Variants in MYLIP observed in about 807,000 individuals in gnomAD.
The protein encoded by MYLIP is myosin regulatory light chain interacting protein.
In MYLIP, 26 loss-of-function variants were observed where a neutral mutation model predicts 45.8. The observed-to-expected ratio is 0.57, with a 90% CI of 0.42 to 0.79. The LOEUF (loss-of-function observed/expected upper bound fraction) is 0.79, where lower values mean the gene tolerates loss of function less well. MYLIP is among the 30% of genes least tolerant of loss of function. The pLI is 0.00. For missense variants in MYLIP, 494 were observed against 555.6 expected, an observed-to-expected ratio of 0.89 and a Z score of 1.11; for synonymous variants, 213 against 218.1, an observed-to-expected ratio of 0.98 and a Z score of 0.21.
At chr6:16,157,984 C>T in the MYLIP span, among the ~76,000 whole-genome samples, 1 of 152,188 alleles carries the variant, frequency 6.6e-6, no homozygotes, top group African/African-American at 2.4e-5. Context: ...TTTTATTGGG[C>T]CAAAAGTCAT....
chr6:16,146,926 A>C lies in MYLIP; in HGVS notation c.*175A>C, dbSNP rs1759804883. 3 of 529,594 alleles carry C rather than the reference A, an allele frequency of 5.7e-6. No homozygotes were observed. Among genetic ancestry groups the C allele is most frequent in the East Asian group, 3.0e-5 (1 of 32,956 alleles). The allele number at this position is 529,594 out of a possible 1,614,324, so 32.8% of individuals were successfully genotyped here. ...TACTCCTCACTGCAAAAACATATCC[A>C]TGCGTAGAATCAACAACTCCAGTCA... On this transcript the variant is annotated 3_prime_UTR_variant, in exon 7 of 7. Coordinates refer to ENST00000356840, the MANE Select transcript of MYLIP (RefSeq NM_013262.4).
In MYLIP at chr6:16,130,857, TC is replaced by T. The variant is rs1306802733; in HGVS notation, c.278+112del. On this transcript the variant is annotated intron_variant, in intron 2 of 6. Transcript: ENST00000356840. ...AGGCAAGTTTGTTTTGATGCGGAGT[TC>T]CATCTTAACTTAGGTTTTCCATGCA... 15 of 1,115,556 alleles carry T rather than the reference TC, an allele frequency of 1.3e-5. No individual in the cohort carries two copies. The East Asian group carries it at 4.0e-4, about 29-fold the overall frequency. The allele number at this position is 1,115,556 out of a possible 1,614,324, so 69.1% of individuals were successfully genotyped here. A position where few individuals can be genotyped will look rare whatever the true frequency, so the allele number is the denominator to read the frequency against.
At chr6:16,135,688 T>C (rs1318965356) in intron 2 of MYLIP, among the ~76,000 whole-genome samples, 3 of 150,090 alleles carry the variant, frequency 2.0e-5, no homozygotes, top group Admixed American at 6.7e-5. Flanking sequence ...GACAGGAAAA[T>C]TGGAGATTTT....
Position 16,145,324 on chromosome 6 carries a change from G to T in MYLIP, c.1248+7G>T, listed in dbSNP as rs368166054. 1.9e-6 allele frequency: 3 copies of T among 1,568,168 alleles called. No homozygotes were observed. Among genetic ancestry groups the T allele is most frequent in the African/African-American group, 2.7e-5 (2 of 73,872 alleles). On this transcript the variant is annotated splice_region_variant and intron_variant, in intron 6 of 6. Coordinates refer to ENST00000356840, the MANE Select transcript of MYLIP (RefSeq NM_013262.4). ...CTGCGCCGCCCAGCTACAGGTAGGG[G>T]AGTCAGCTGCCCACTTTTGCCTGCA... is the stretch of plus-strand genomic sequence containing the variant.
chr6:16,161,844 G>T, the MYLIP span, among the ~76,000 whole-genome samples: 1 of 151,996 alleles, frequency 6.6e-6, no homozygotes, highest in Non-Finnish European at 1.5e-5. Flanking sequence ...AAATGAGAAG[G>T]CTTTCAAGAT....
chr6:16,159,554 A>G, the MYLIP span, among the ~76,000 whole-genome samples: 1 of 152,186 alleles, frequency 6.6e-6, no homozygotes, highest in Admixed American at 6.5e-5. Context: ...GTTATGTCCA[A>G]GCAGTCTGTT....
rs1325576463 is a variant in MYLIP at position 16,143,612 on chromosome 6, T to C, written c.663-87T>C. ...AGCGTCTGATTTTTCTGCTAGGTCA[T>C]GAGCAAATGGGGATCCCACAAAGGC... On this transcript the variant is annotated intron_variant, in intron 4 of 6. Coordinates refer to ENST00000356840, the MANE Select transcript of MYLIP (RefSeq NM_013262.4). 6.3e-6 allele frequency: 9 copies of C among 1,422,288 alleles called. No homozygotes were observed. The South Asian group carries it at 1.0e-4, about 16-fold the overall frequency. 88.1% of individuals were successfully genotyped at this position (1,422,288 alleles called of 1,614,324 possible). A position where few individuals can be genotyped will look rare whatever the true frequency, so the allele number is the denominator to read the frequency against.
At chr6:16,136,707 A>G in intron 2 of MYLIP, among the ~76,000 whole-genome samples, 1 of 152,228 alleles carries the variant, frequency 6.6e-6, no homozygotes, top group Admixed American at 6.5e-5. Flanking sequence ...CCCAGCAAGA[A>G]TGTAAGAGTC....
At chr6:16,159,614 A>G in the MYLIP span, among the ~76,000 whole-genome samples, 1 of 152,232 alleles carries the variant, frequency 6.6e-6, no homozygotes, top group Non-Finnish European at 1.5e-5. Context: ...TCCACCTGCC[A>G]TAATAATGAT....
chr6:16,160,476 T>C, the MYLIP span, among the ~76,000 whole-genome samples: 1 of 152,170 alleles, frequency 6.6e-6, no homozygotes, highest in Non-Finnish European at 1.5e-5. Context: ...GGTTTGGAAA[T>C]GGCATTTGAT....
At chr6:16,135,465 A>G (rs1185986975) in intron 2 of MYLIP, among the ~76,000 whole-genome samples, 2 of 152,050 alleles carry the variant, frequency 1.3e-5, no homozygotes, top group Non-Finnish European at 2.9e-5. Context: ...AGTGATTCTC[A>G]TTTTGTACTT....
chr6:16,143,102 G>C lies in MYLIP; in HGVS notation c.547G>C (p.Glu183Gln). 6.2e-7 allele frequency: 1 copy of C among 1,614,212 alleles called. No individual in the cohort carries two copies. The highest frequency in any genetic ancestry group is 8.5e-7 in the Non-Finnish European group (1 of 1,180,042). Residue 183 changes from glutamate to glutamine, a missense_variant, in exon 4 of 7, where the codon GAA (glutamate) becomes CAA (glutamine). Coordinates refer to ENST00000356840, the MANE Select transcript of MYLIP (RefSeq NM_013262.4). Reference sequence around the variant, plus strand: ...AGTTTTGCAGATTGTGTCGGCAATGGAAAACTATGGCATAGAATGGCATTC... The same window carrying C: ...AGTTTTGCAGATTGTGTCGGCAATGCAAAACTATGGCATAGAATGGCATTC... Reference protein sequence around the residue: ...YQVLQIVSAMENYGIEWHSVR... With the variant: ...YQVLQIVSAMQNYGIEWHSVR...
At chr6:16,136,333 G>A (rs1337630898) in intron 2 of MYLIP, among the ~76,000 whole-genome samples, 5 of 148,770 alleles carry the variant, frequency 3.4e-5, no homozygotes, top group African/African-American at 9.9e-5. Context: ...GGAATCTTGT[G>A]GTATGCACTC....
rs1759678071 is a variant in MYLIP at position 16,141,749 on chromosome 6, A to G, written c.403A>G (p.Thr135Ala). The G allele has an allele frequency of 6.2e-7, 1 of 1,614,040 alleles. No individual in the cohort carries two copies. The highest frequency in any genetic ancestry group is 8.5e-7 in the Non-Finnish European group (1 of 1,180,006). ...CAAGTTTGGAGACTACAACCAGAAC[A>G]CTGCCAAGTATAACTATGAGGAGCT... The part of the protein sequence containing the change: ...QTKFGDYNQN[T>A]AKYNYEELCA... The change falls in exon 3 of 7, where the codon ACT becomes GCT. Residue 135 changes from threonine to alanine, a missense_variant. Physicochemically the swap from Thr to Ala is moderately conservative, Grantham distance 58. Coordinates refer to ENST00000356840, the MANE Select transcript of MYLIP (RefSeq NM_013262.4).
At chr6:16,159,978 C>G in the MYLIP span, among the ~76,000 whole-genome samples, 3 of 152,198 alleles carry the variant, frequency 2.0e-5, no homozygotes, top group African/African-American at 7.2e-5. Context: ...CTTCTTCAAA[C>G]CCTGACAATA....
chr6:16,132,454 G>C (rs529252958), intron 2 of MYLIP, among the ~76,000 whole-genome samples: 137 of 152,258 alleles, frequency 9.0e-4, no homozygotes, highest in Admixed American at 2.7e-3. Context: ...AGTACTCAAA[G>C]AATGTACATA....
downstream of MYLIP, among the ~76,000 whole-genome samples, chr6:16,148,586 G>A (rs1759841751): frequency 6.6e-6 from 1 of 151,932 alleles, no homozygotes; most frequent in African/African-American, 2.4e-5. Context: ...AACATAAGCA[G>A]ATGAAAAGAA....
rs770977798 is a variant in MYLIP at position 16,146,746 on chromosome 6, A to G, written c.1333A>G (p.Ile445Val). ...THTSLLNLTV[I>V] is the part of the protein sequence containing the mutation. ...CACCAGTCTTCTCAATCTGACTGTA[A>G]TCTAATCTGTTGTGCTTTTGTTGGA... The change falls in exon 7 of 7, where the codon ATC (isoleucine) becomes GTC (valine). Residue 445 changes from isoleucine (I) to valine (V), a missense_variant. By Grantham distance (29) the Ile-to-Val change is conservative. Coordinates refer to ENST00000356840, the MANE Select transcript of MYLIP (RefSeq NM_013262.4). 1.8e-5 allele frequency: 29 copies of G among 1,606,752 alleles called. No homozygotes were observed. Among genetic ancestry groups the G allele is most frequent in the Admixed American group, 5.0e-5 (3 of 59,692 alleles).
At chr6:16,154,533 C>T in the MYLIP span, among the ~76,000 whole-genome samples, 1 of 152,184 alleles carries the variant, frequency 6.6e-6, no homozygotes, top group Non-Finnish European at 1.5e-5. Context: ...ACACGCAGGG[C>T]TCCAAGTGTT....
Sources: allele counts gnomAD v4.1 joint callset (sites outside exome capture counted in the v4.1 genomes callset), GRCh38; gene constraint gnomAD v4.1.1; transcripts MANE v1.5; gene names NCBI Gene and HGNC (gene_info 2026-07-23, HGNC 2026-07-21).